Variants in USP36 observed in about 807,000 individuals in gnomAD.
USP36 encodes ubiquitin specific peptidase 36.
In USP36, 59 loss-of-function variants were observed where a neutral mutation model predicts 111.5. That is an observed-to-expected ratio of 0.53 (90% confidence interval 0.43 to 0.66). The LOEUF (loss-of-function observed/expected upper bound fraction) is 0.66. Among genes scored for constraint, USP36 ranks in the 30% least tolerant of loss-of-function variants. The probability of loss-of-function intolerance (pLI) is 0.00; values close to 1 mark genes in which losing one functional copy is unlikely to be tolerated. For missense variants in USP36, 1,488 were observed against 1,468.0 expected (o/e 1.01, Z -0.22); for synonymous variants, 628 against 581.0 (o/e 1.08, Z -1.16).
chr17:78,803,281 A>T lies in USP36; in HGVS notation c.2810+104T>A. 1.5e-6 allele frequency: 2 copies of T among 1,300,010 alleles called. No homozygotes were observed. The highest frequency in any genetic ancestry group is 2.1e-6 in the Non-Finnish European group (2 of 937,454). 80.5% of individuals were successfully genotyped at this position (1,300,010 alleles called of 1,614,324 possible). On this transcript the variant is annotated intron_variant, in intron 16 of 20. Transcript: ENST00000449938. The surrounding 1 kb of genome is among the most constrained non-coding windows in gnomAD (Gnocchi z 4.6). ...AAATCCACATTTTAGAAAACCACGCAAGCAGACTACGTTTCCAGACCATAC... is the reference window on the plus strand; with the variant it reads ...AAATCCACATTTTAGAAAACCACGCTAGCAGACTACGTTTCCAGACCATAC...
intron 9 of USP36, 70 bp downstream of exon 9, chr17:78,819,860 A>C (rs918772454): frequency 6.6e-6 from 10 of 1,517,766 alleles, no homozygotes; most frequent in Non-Finnish European, 9.1e-6. Flanking sequence ...GGTGGGCACA[A>C]CACTGTCAGG....
intron 17 of USP36, among the ~76,000 whole-genome samples, chr17:78,801,770 G>A (rs1598976873): frequency 1.3e-5 from 2 of 152,342 alleles, no homozygotes; most frequent in East Asian, 3.9e-4. Flanking sequence ...ACTCAGGCTG[G>A]GAGTTCAGGG....
intron 4 of USP36, among the ~76,000 whole-genome samples, chr17:78,832,575 G>A (rs780295112): frequency 2.0e-5 from 3 of 152,212 alleles, no homozygotes; most frequent in Non-Finnish European, 4.4e-5. Flanking sequence ...CAGCTTACCT[G>A]TGCCAGGTTA....
chr17:78,799,297 A>G (rs1033873903), intron 18 of USP36, among the ~76,000 whole-genome samples: 3 of 152,220 alleles, frequency 2.0e-5, no homozygotes, highest in Non-Finnish European at 4.4e-5. Flanking sequence ...TGAGGAACAA[A>G]GATGTCATGT....
chr17:78,820,150 C>T, intron 8 of USP36, 138 bp from the exon 9 acceptor site: 1 of 779,890 alleles, frequency 1.3e-6, no homozygotes, highest in Non-Finnish European at 2.0e-6. Context: ...TGCCCACTAG[C>T]TGCCAGATTG....
intron 13 of USP36, among the ~76,000 whole-genome samples, chr17:78,810,944 T>C (rs1037950776): frequency 6.6e-6 from 1 of 151,830 alleles, no homozygotes; most frequent in Non-Finnish European, 1.5e-5. Context: ...TGAAACCCCA[T>C]CTCTACTAAA....
intron 14 of USP36, 109 bp downstream of exon 14, chr17:78,806,850 G>A: frequency 2.1e-6 from 3 of 1,423,058 alleles, no homozygotes; most frequent in Non-Finnish European, 2.9e-6. Context: ...CCTCTAACAT[G>A]AGGGAGGCCA....
chr17:78,817,999 C>T (rs912905171), intron 10 of USP36, among the ~76,000 whole-genome samples: 1 of 152,110 alleles, frequency 6.6e-6, no homozygotes, highest in Admixed American at 6.5e-5. Context: ...GCAGGGGGAT[C>T]GCTTGAGCTT....
chr17:78,828,775 C>T (rs971225066), intron 5 of USP36, 122 bp downstream of exon 5: 33 of 956,526 alleles, frequency 3.4e-5, no homozygotes, highest in South Asian at 8.1e-5. Flanking sequence ...CAGGCCAAAA[C>T]GGAAGGACTG....
intron 13 of USP36, among the ~76,000 whole-genome samples, chr17:78,808,364 C>T (rs1202043943): frequency 1.3e-5 from 2 of 152,172 alleles, no homozygotes; most frequent in Non-Finnish European, 2.9e-5. Context: ...GATCCTCCCA[C>T]TTCAGCTGCC....
In USP36 at chr17:78,798,956, C is replaced by T. The variant is rs368289230; in HGVS notation, c.3192G>A (p.Arg1064=). 1 of 1,614,076 alleles carries T rather than the reference C, an allele frequency of 6.2e-7. No homozygotes were observed. Among genetic ancestry groups the T allele is most frequent in the Non-Finnish European group, 8.5e-7 (1 of 1,180,054 alleles). Residue 1064 remains arginine, a synonymous_variant, in exon 19 of 21, where the codon CGG becomes CGA. Transcript: ENST00000449938. The surrounding 1 kb of genome is among the most constrained non-coding windows in gnomAD (Gnocchi z 5.1). ...QDAIEDSRQA[R]TETVVDDWDE... ...CCCAGTCATCAACCACGGTCTCAGTCCGGGCCTGTCTGCTGTCTTCAATAG... is the reference window on the plus strand; with the variant it reads ...CCCAGTCATCAACCACGGTCTCAGTTCGGGCCTGTCTGCTGTCTTCAATAG...
Position 78,807,404 on chromosome 17 carries a change from G to C in USP36, c.1640C>G (p.Pro547Arg). The C allele has an allele frequency of 6.2e-7, 1 of 1,614,176 alleles. No individual in the cohort carries two copies. The highest frequency in any genetic ancestry group is 8.5e-7 in the Non-Finnish European group (1 of 1,180,016). The change falls in exon 14 of 21, where the codon CCC becomes CGC. Residue 547 changes from proline to arginine, a missense_variant. By Grantham distance (103) the Pro-to-Arg change is moderately radical. Around this residue, in one of 3 missense-constraint regions of USP36, gnomAD observed 1,073 missense variants for 994.1 expected, o/e 1.08. Coordinates refer to ENST00000449938, the MANE Select transcript of USP36 (RefSeq NM_001385174.1). ...KKPAPPQHFS[P>R]RTAQGLPGTS... ...CCCAGGCAGCCCCTGAGCAGTTCTG[G>C]GGGAAAAGTGCTGTGGAGGAGCTGG...
At chr17:78,821,846 A>G in intron 7 of USP36, 91 bp downstream of exon 7, 1 of 1,475,076 alleles carries the variant, frequency 6.8e-7, no homozygotes, top group Non-Finnish European at 9.4e-7. Flanking sequence ...ACAGCGAAGA[A>G]AGAGCCCCAG....
intron 4 of USP36, among the ~76,000 whole-genome samples, chr17:78,834,150 G>A (rs1369893382): frequency 6.6e-6 from 1 of 151,576 alleles, no homozygotes; most frequent in Non-Finnish European, 1.5e-5. Context: ...GGGAGGCTGA[G>A]ACAGGAGAAT....
chr17:78,799,883 T>TC, intron 17 of USP36, 115 bp from the exon 18 acceptor site: 1 of 497,108 alleles, frequency 2.0e-6, no homozygotes, highest in Non-Finnish European at 3.0e-6. Flanking sequence ...TTGCCTTTTT[T>TC]TTTTTTTTTT....
In USP36 at chr17:78,820,993, G is replaced by T. The variant is rs754847185; in HGVS notation, c.826C>A (p.Arg276=). Residue 276 remains arginine, a splice_region_variant and synonymous_variant, in exon 8 of 21, where the codon CGG becomes AGG. Coordinates refer to ENST00000449938, the MANE Select transcript of USP36 (RefSeq NM_001385174.1). ...TGAAGGGCAGGACAGATCTGTACCCGGATCTCCAGCGCGACGTCCAAGTAG... is the reference window on the plus strand; with the variant it reads ...TGAAGGGCAGGACAGATCTGTACCCTGATCTCCAGCGCGACGTCCAAGTAG... ...DPYLDVALEI[R]QAANIVRALE... 2 of 1,607,696 alleles carry T rather than the reference G, an allele frequency of 1.2e-6. No homozygotes were observed. Among genetic ancestry groups the T allele is most frequent in the African/African-American group, 2.7e-5 (2 of 74,770 alleles).
chr17:78,803,907 G>T lies in USP36; in HGVS notation c.2288C>A (p.Ser763Tyr). The change falls in exon 16 of 21, where the codon TCC becomes TAC. Residue 763 changes from serine (S) to tyrosine (Y), a missense_variant. Transcript: ENST00000449938. The surrounding 1 kb of genome is among the most constrained non-coding windows in gnomAD (Gnocchi z 4.6). ...CGTCCCTGGGGGCTTGGGGGTACTG[G>T]ACAGCAATGTGGGGTGGGGGCTGAA... is the stretch of plus-strand genomic sequence containing the variant. The part of the protein sequence containing the change: ...PPFSPHPTLL[S>Y]STPKPPGTSE... 1 of 1,410,616 alleles carries T rather than the reference G, an allele frequency of 7.1e-7. No individual in the cohort carries two copies. Among genetic ancestry groups the T allele is most frequent in the Non-Finnish European group, 9.6e-7 (1 of 1,037,628 alleles). 87.4% of individuals were successfully genotyped at this position (1,410,616 alleles called of 1,614,324 possible).
intron 14 of USP36, among the ~76,000 whole-genome samples, chr17:78,806,489 CA>C (rs1247409046): frequency 1.3e-5 from 2 of 151,690 alleles, no homozygotes; most frequent in Non-Finnish European, 2.9e-5. Flanking sequence ...TGGTTAGAAA[CA>C]AAAAAAAGGA....
At chr17:78,799,908 A>G (rs2093699075) in intron 17 of USP36, 140 bp from the exon 18 acceptor site, 1 of 471,820 alleles carries the variant, frequency 2.1e-6, no homozygotes, top group Non-Finnish European at 3.5e-6. Context: ...TTTTTTTTAA[A>G]GACAGGGTCT....
Sources: gnomAD v4.1 joint callset for allele counts (sites outside exome capture counted in the v4.1 genomes callset) on GRCh38, gnomAD v4.1.1 for gene constraint, gnomAD v4.1.1 regional missense constraint, Gnocchi (gnomAD v3.1) non-coding constraint, MANE v1.5 for transcripts, NCBI Gene and HGNC (gene_info 2026-07-23, HGNC 2026-07-21) for gene names.